The following TSPAN15 variants were observed in gnomAD, a reference collection of about 807,000 sequenced individuals.
The protein encoded by TSPAN15 is tetraspanin-15.
TSPAN15 carries 20 observed loss-of-function variants against 34.5 expected under a neutral mutation model. The observed-to-expected ratio is 0.58, with a 90% CI of 0.41 to 0.84. The LOEUF (loss-of-function observed/expected upper bound fraction) is 0.84. Ranked by LOEUF, TSPAN15 falls within the 40% of genes least tolerant of loss-of-function variation. The pLI is 0.00. For missense variants in TSPAN15, 313 were observed against 386.1 expected (o/e 0.81, Z 1.59); for synonymous variants, 155 against 153.9 (o/e 1.01, Z -0.05).
At chr10:69,508,372 C>T (rs765134910), downstream of TSPAN15, among the ~76,000 whole-genome samples, 1 of 124,690 alleles carries the variant, frequency 8.0e-6, no homozygotes, top group Non-Finnish European at 1.6e-5. Flanking sequence ...ACCCGGGAGG[C>T]GGAGGTTGTG....
rs10998831 is a variant in TSPAN15, at chr10:69,480,434, G to A, written c.97-3257G>A. 9.5e-3 allele frequency among the ~76,000 whole-genome samples: 1,449 copies of A among 152,246 alleles called. 15 individuals are homozygous for A. The highest frequency in any genetic ancestry group is 0.051 in the Middle Eastern group (15 of 294). On this transcript the variant is annotated intron_variant, in intron 1 of 7. Transcript: ENST00000373290. ...AATAGTTGTGTTCGTTCCACGACAG[G>A]GTGAGAATTACGCTTTTCATCAAAA...
intron 1 of TSPAN15, among the ~76,000 whole-genome samples, chr10:69,467,226 T>TA (rs1453819804): frequency 6.6e-6 from 1 of 152,152 alleles, no homozygotes; most frequent in Non-Finnish European, 1.5e-5. Flanking sequence ...TGTTTCCTAA[T>TA]AGGTGCACTT....
intron 1 of TSPAN15, among the ~76,000 whole-genome samples, chr10:69,482,842 G>C (rs536757710): frequency 3.9e-5 from 6 of 152,070 alleles, no homozygotes; most frequent in Non-Finnish European, 7.4e-5. Flanking sequence ...CTCCAGATTG[G>C]GTCTGTAGTA....
chr10:69,456,481 C>T (rs1841112731), intron 1 of TSPAN15, among the ~76,000 whole-genome samples: 1 of 152,024 alleles, frequency 6.6e-6, no homozygotes, highest in African/African-American at 2.4e-5. Context: ...TCAAGTTGCC[C>T]TGAATATGCA....
chr10:69,486,416 C>A (rs1424139904), intron 3 of TSPAN15, among the ~76,000 whole-genome samples: 3 of 150,566 alleles, frequency 2.0e-5, no homozygotes, highest in African/African-American at 7.5e-5. Flanking sequence ...AGCTGTGAGC[C>A]AAGTTATCTT....
In TSPAN15 at chr10:69,483,726, T is replaced by C. The variant is rs143903921; in HGVS notation, c.132T>C (p.Tyr44=). 21 of 1,614,080 alleles carry C rather than the reference T, an allele frequency of 1.3e-5. No individual in the cohort carries two copies. The African/African-American group carries it at 1.7e-4, about 13-fold the overall frequency. The part of the protein sequence containing the change: ...IGALVLSVGI[Y]AEVERQKYKT... ...CCCTGGTCCTGTCTGTGGGCATCTA[T>C]GCAGAGGTTGAGCGGCAGAAATATA... is the stretch of plus-strand genomic sequence containing the variant. Residue 44 remains tyrosine (Y), a synonymous_variant, in exon 2 of 8, where the codon TAT becomes TAC. Transcript: ENST00000373290.
chr10:69,492,480 C>T (rs1440269610), intron 3 of TSPAN15, among the ~76,000 whole-genome samples: 1 of 152,168 alleles, frequency 6.6e-6, no homozygotes, highest in African/African-American at 2.4e-5. Flanking sequence ...TCAAAGAGCT[C>T]CCTGATGGGG....
At chr10:69,528,888 G>A in the TSPAN15 span, among the ~76,000 whole-genome samples, 1 of 147,808 alleles carries the variant, frequency 6.8e-6, no homozygotes, top group Non-Finnish European at 1.5e-5. Context: ...TATGCTGATC[G>A]GTCCATGGGC....
chr10:69,463,089 A>AACATTCTTTT (rs1841305593), intron 1 of TSPAN15, among the ~76,000 whole-genome samples: 1 of 152,236 alleles, frequency 6.6e-6, no homozygotes, highest in Non-Finnish European at 1.5e-5. Context: ...TTGTCTTCAA[A>AACATTCTTTT]ACATTCTTTT....
At chr10:69,466,854 C>T (rs957308979) in intron 1 of TSPAN15, among the ~76,000 whole-genome samples, 1 of 152,334 alleles carries the variant, frequency 6.6e-6, no homozygotes, top group South Asian at 2.1e-4. Flanking sequence ...GGGTCTCCTT[C>T]GCGTGACCAT....
At chr10:69,505,656 AC>A (rs955588779) in intron 6 of TSPAN15, among the ~76,000 whole-genome samples, 1 of 151,744 alleles carries the variant, frequency 6.6e-6, no homozygotes, top group African/African-American at 2.4e-5. Flanking sequence ...ACTCCTCCCA[AC>A]TGAGCCTCCA....
intron 6 of TSPAN15, among the ~76,000 whole-genome samples, chr10:69,505,695 A>G (rs1394479706): frequency 6.6e-6 from 1 of 151,656 alleles, no homozygotes; most frequent in Non-Finnish European, 1.5e-5. Context: ...GGCACTGGCC[A>G]CCATGCCCAA....
At chr10:69,463,239 A>G (rs1841309061) in intron 1 of TSPAN15, among the ~76,000 whole-genome samples, 1 of 152,212 alleles carries the variant, frequency 6.6e-6, no homozygotes, top group African/African-American at 2.4e-5. Context: ...CTTCAATGAT[A>G]TCTCGAGTTT....
intron 1 of TSPAN15, among the ~76,000 whole-genome samples, chr10:69,475,019 G>A (rs528688965): frequency 8.5e-4 from 130 of 152,260 alleles, no homozygotes; most frequent in Non-Finnish European, 1.5e-3. Context: ...ACCCATGTAC[G>A]CTGGGGACAC....
chr10:69,505,091 C>G (rs1313294491), intron 6 of TSPAN15, among the ~76,000 whole-genome samples: 1 of 152,166 alleles, frequency 6.6e-6, no homozygotes, highest in East Asian at 1.9e-4. Flanking sequence ...AGCCATAGAC[C>G]AGCAGTGGTT....
intron 1 of TSPAN15, among the ~76,000 whole-genome samples, chr10:69,457,334 C>T (rs60110374): frequency 0.09 from 13,684 of 152,240 alleles, 692 homozygotes; most frequent in Non-Finnish European, 0.12. Context: ...GGGGCAGAGG[C>T]CTGGCTGGGG....
At chr10:69,539,464 G>GAAGAAGA in the TSPAN15 span, among the ~76,000 whole-genome samples, 488 of 51,198 alleles carry the variant, frequency 9.5e-3, 16 homozygotes, top group Non-Finnish European at 0.011. Context: ...GAAGAAGAAG[G>GAAGAAGA]AGAAGGAGAA....
intron 6 of TSPAN15, among the ~76,000 whole-genome samples, chr10:69,505,570 T>A (rs1842307745): frequency 2.0e-5 from 3 of 146,798 alleles, no homozygotes; most frequent in Admixed American, 2.0e-4. Context: ...AGAAATGCTT[T>A]TTTTTTTTTT....
At chr10:69,465,122 CA>C (rs1420179701) in intron 1 of TSPAN15, among the ~76,000 whole-genome samples, 2 of 152,224 alleles carry the variant, frequency 1.3e-5, no homozygotes, top group African/African-American at 4.8e-5. Flanking sequence ...CAGCTGCAGA[CA>C]TTCTGTGATC....
Sources: gnomAD v4.1 joint callset for allele counts (sites outside exome capture counted in the v4.1 genomes callset) on GRCh38, gnomAD v4.1.1 for gene constraint, MANE v1.5 for transcripts, NCBI Gene and HGNC (gene_info 2026-07-23, HGNC 2026-07-21) for gene names.